The following WASHC5 variants were observed in gnomAD, a reference collection of about 807,000 sequenced individuals.
WASHC5 encodes WASH complex subunit 5.
Under a neutral mutation model 150.4 loss-of-function variants are expected in WASHC5, and 101 were observed. The ratio of observed to expected loss-of-function variants is 0.67; its 90% CI spans 0.57 to 0.79. The LOEUF (loss-of-function observed/expected upper bound fraction) is 0.79. Ranked by LOEUF, WASHC5 falls within the 30% of genes least tolerant of loss-of-function variation. The probability of loss-of-function intolerance (pLI) is 0.00; values close to 1 mark genes in which losing one functional copy is unlikely to be tolerated. For synonymous variants in WASHC5, 467 were observed against 491.2 expected, an observed-to-expected ratio of 0.95 and a Z score of 0.65; for missense variants, 1,195 against 1,396.3, an observed-to-expected ratio of 0.86 and a Z score of 2.30.
intron 11 of WASHC5, 79 bp downstream of exon 11, chr8:125,063,443 T>C (rs1275562815): frequency 2.1e-6 from 3 of 1,454,436 alleles, no homozygotes; most frequent in East Asian, 2.3e-5. Flanking sequence ...TAAAGTCTTT[T>C]TAACCTGCCA....
intron 1 of WASHC5, among the ~76,000 whole-genome samples, chr8:125,084,272 C>G (rs1171232332): frequency 2.0e-5 from 3 of 152,206 alleles, no homozygotes; most frequent in Non-Finnish European, 4.4e-5. Flanking sequence ...TGATACAGCT[C>G]ATCTCTGTGC....
At position 125,091,372 on chromosome 8, in the gene WASHC5, C is replaced by G. The variant is rs180703260; in HGVS notation, c.-125+243G>C. ...CCCGGAAACTTGGAAGGATGAGATT[C>G]GGACCAAGCAGCTGAACGGTGCTTC... On this transcript the variant is annotated intron_variant, in intron 1 of 28. Coordinates refer to ENST00000318410, the MANE Select transcript of WASHC5 (RefSeq NM_014846.4). 1.6e-4 allele frequency among the ~76,000 whole-genome samples: 24 copies of G among 152,262 alleles called. No individual in the cohort carries two copies. The East Asian group carries it at 4.5e-3, about 28-fold the overall frequency.
At chr8:125,074,235 T>C (rs1159930796) in intron 8 of WASHC5, among the ~76,000 whole-genome samples, 3 of 152,226 alleles carry the variant, frequency 2.0e-5, no homozygotes, top group Non-Finnish European at 4.4e-5. Flanking sequence ...AATGATCTGA[T>C]GTTGCTAAGT....
Position 125,063,516 on chromosome 8 carries a change from A to G in WASHC5, c.1408+6T>C. ...AACACACCAGTATTTCCTCTTCAGT[A>G]ATTACCATTTTTCTCCACTCTGGTT... On this transcript the variant is annotated splice_donor_region_variant and intron_variant, in intron 11 of 28. Transcript: ENST00000318410. 1.2e-6 allele frequency: 2 copies of G among 1,613,692 alleles called. No individual in the cohort carries two copies. Among genetic ancestry groups the G allele is most frequent in the Non-Finnish European group, 1.7e-6 (2 of 1,179,656 alleles).
At chr8:125,075,820 C>T (rs75480157) in intron 7 of WASHC5, among the ~76,000 whole-genome samples, 3 of 152,158 alleles carry the variant, frequency 2.0e-5, no homozygotes, top group Admixed American at 6.5e-5. Flanking sequence ...TCATATATTT[C>T]ATTTCATATA....
chr8:125,053,343 G>A (rs6981164), intron 17 of WASHC5, among the ~76,000 whole-genome samples: 16,605 of 152,084 alleles, frequency 0.11, 2,129 homozygotes, highest in African/African-American at 0.31. Context: ...GGTCAGCAGA[G>A]TATTCCTTCT....
chr8:125,081,628 C>G, intron 5 of WASHC5, 33 bp downstream of exon 5: 1 of 1,206,216 alleles, frequency 8.3e-7, no homozygotes, highest in Non-Finnish European at 1.2e-6. Context: ...CCGACAGCAG[C>G]GTTTCGGAAG....
chr8:125,056,577 G>T, intron 16 of WASHC5, 100 bp downstream of exon 16: 1 of 1,357,986 alleles, frequency 7.4e-7, no homozygotes, highest in Non-Finnish European at 1.1e-6. Context: ...GTCAGAATTG[G>T]TCTGGTGGTC....
chr8:125,056,942 AT>A, intron 15 of WASHC5, 125 bp from the exon 16 acceptor site: 3 of 1,091,306 alleles, frequency 2.7e-6, no homozygotes, highest in Non-Finnish European at 2.8e-6. Flanking sequence ...AGCTGTTTTA[AT>A]AACTGCTGGC....
At position 125,061,169 on chromosome 8, in the gene WASHC5, C is replaced by T. The variant is rs1480319344; in HGVS notation, c.1434G>A (p.Glu478=). The T allele has an allele frequency of 1.9e-6, 3 of 1,606,248 alleles. No individual in the cohort carries two copies. The East Asian group carries it at 6.7e-5, about 36-fold the overall frequency. The part of the protein sequence containing the change: ...KNENLQAWFR[E]ISKQILSLNY... ...TTAAAGACAATATTTGTTTTGAGAT[C>T]TCTCTGAACCAAGCTTGAAGGTTTT... The change falls in exon 12 of 29, where the codon GAG becomes GAA. Residue 478 remains glutamate, a synonymous_variant. Coordinates refer to ENST00000318410, the MANE Select transcript of WASHC5 (RefSeq NM_014846.4).
intron 27 of WASHC5, among the ~76,000 whole-genome samples, chr8:125,029,357 T>C (rs192731013): frequency 6.6e-6 from 1 of 152,194 alleles, no homozygotes; most frequent in Non-Finnish European, 1.5e-5. Flanking sequence ...AAAGTAAACT[T>C]CTAGACATTG....
chr8:125,057,741 A>G (rs905805728), intron 14 of WASHC5, 75 bp from the exon 15 acceptor site: 17 of 930,428 alleles, frequency 1.8e-5, no homozygotes, highest in Non-Finnish European at 2.9e-5. Context: ...AGAAAATGTA[A>G]CATACAACAA....
At chr8:125,058,870 T>C (rs887159227) in intron 14 of WASHC5, among the ~76,000 whole-genome samples, 4 of 152,168 alleles carry the variant, frequency 2.6e-5, no homozygotes, top group Non-Finnish European at 5.9e-5. Context: ...TAGCAGAGGC[T>C]CAGTAATTTT....
intron 9 of WASHC5, among the ~76,000 whole-genome samples, chr8:125,072,386 T>C (rs1816925780): frequency 6.7e-6 from 1 of 150,248 alleles, no homozygotes; most frequent in Non-Finnish European, 1.5e-5. Context: ...TTTATTATTC[T>C]TTTTTGAGAC....
Position 125,024,631 on chromosome 8 carries a change from T to A in WASHC5, c.3466A>T (p.Arg1156Ter), listed in dbSNP as rs772334826. ...HVPNFIFDEF[R>*]TVL Reference sequence around the variant, plus strand: ...AGGAAAAACAGTTACAGCACTGTTCTGAACTCATCAAAAATGAAATTAGGC... The same window carrying A: ...AGGAAAAACAGTTACAGCACTGTTCAGAACTCATCAAAAATGAAATTAGGC... The change falls in exon 29 of 29, where the codon AGA becomes TGA. Residue 1156 changes from arginine (R) to a stop codon, truncating the protein, a stop_gained. Coordinates refer to ENST00000318410, the MANE Select transcript of WASHC5 (RefSeq NM_014846.4). LOFTEE classifies it high-confidence loss of function. 6.2e-7 allele frequency: 1 copy of A among 1,610,260 alleles called. No homozygotes were observed. The highest frequency in any genetic ancestry group is 8.5e-7 in the Non-Finnish European group (1 of 1,176,688).
chr8:125,051,929 A>G (rs11993487), intron 17 of WASHC5, among the ~76,000 whole-genome samples: 16,535 of 152,124 alleles, frequency 0.11, 2,085 homozygotes, highest in African/African-American at 0.3. Context: ...AAATGGGCAA[A>G]TCTAAGCTAT....
intron 23 of WASHC5, among the ~76,000 whole-genome samples, 187 bp from the exon 24 acceptor site, chr8:125,040,085 C>G (rs145944813): frequency 1.1e-3 from 160 of 152,250 alleles, no homozygotes; most frequent in Middle Eastern, 3.4e-3. Context: ...CACCAGAGGC[C>G]CTTCAAGGAA....
intron 5 of WASHC5, among the ~76,000 whole-genome samples, chr8:125,080,007 C>A (rs150133123): frequency 4.6e-5 from 7 of 152,076 alleles, no homozygotes; most frequent in Admixed American, 3.3e-4. Context: ...TTTTTCTTGG[C>A]AAGCTGTTCC....
intron 16 of WASHC5, 23 bp downstream of exon 16, chr8:125,056,654 C>T: frequency 1.9e-6 from 3 of 1,613,774 alleles, no homozygotes; most frequent in Non-Finnish European, 2.5e-6. Flanking sequence ...TATGAAAAGG[C>T]AGAAGTCAGA....
Sources: allele counts gnomAD v4.1 joint callset (sites outside exome capture counted in the v4.1 genomes callset), GRCh38; gene constraint gnomAD v4.1.1; transcripts MANE v1.5; gene names NCBI Gene and HGNC (gene_info 2026-07-23, HGNC 2026-07-21).